MRPS27: variants seen among roughly 807,000 people sequenced by gnomAD.
The protein encoded by MRPS27 is small ribosomal subunit protein mS27.
MRPS27 carries 43 observed loss-of-function variants against 48.9 expected under a neutral mutation model. The ratio of observed to expected loss-of-function variants is 0.88; its 90% CI spans 0.69 to 1.13. The LOEUF is 1.13. Among genes scored for constraint, MRPS27 ranks in the 50% most tolerant of loss-of-function variants. The probability of loss-of-function intolerance (pLI) is 0.00; values close to 1 mark genes in which losing one functional copy is unlikely to be tolerated. For missense variants in MRPS27, 467 were observed against 476.3 expected, an observed-to-expected ratio of 0.98 and a Z score of 0.18; for synonymous variants, 188 against 171.9, an observed-to-expected ratio of 1.09 and a Z score of -0.73.
intron 4 of MRPS27, among the ~76,000 whole-genome samples, chr5:72,288,212 T>G (rs1475422629): frequency 7.0e-6 from 1 of 143,660 alleles, no homozygotes; most frequent in Non-Finnish European, 1.5e-5. Flanking sequence ...CAAGAATTCT[T>G]TTTTTTTTTT....
chr5:72,239,074 T>C (rs1015164426), intron 4 of MRPS27, among the ~76,000 whole-genome samples: 1 of 152,130 alleles, frequency 6.6e-6, no homozygotes, highest in African/African-American at 2.4e-5. Flanking sequence ...TCCTGAATCA[T>C]TCAGGAAGCA....
chr5:72,223,708 A>G lies in MRPS27; in HGVS notation c.980T>C (p.Leu327Pro), dbSNP rs779270735. ...CTTAAATCGTTCCAGGTATTGAGGA[A>G]GCTTGGACTGCTCTGTTTCCTCGAT... is the stretch of plus-strand genomic sequence containing the variant. ...LDIEETEQSK[L>P]PQYLERFKAL... Residue 327 changes from leucine (L) to proline (P), a missense_variant, in exon 10 of 11, where the codon CTT becomes CCT. Physicochemically the swap from Leu to Pro is moderately conservative, Grantham distance 98 (BLOSUM62 -3). Transcript: ENST00000261413. 2 of 1,614,002 alleles carry G rather than the reference A, an allele frequency of 1.2e-6. No homozygotes were observed. The highest frequency in any genetic ancestry group is 1.7e-5 in the Admixed American group (1 of 60,016).
intron 4 of MRPS27, among the ~76,000 whole-genome samples, chr5:72,288,277 G>A (rs1337825248): frequency 2.0e-5 from 3 of 150,930 alleles, no homozygotes; most frequent in African/African-American, 7.3e-5. Context: ...GCATGATCTC[G>A]GCTCACTGCA....
At chr5:72,314,262 ATATTT>A in intron 1 of MRPS27, 104 bp from the exon 2 acceptor site, 2 of 761,166 alleles carry the variant, frequency 2.6e-6, no homozygotes, top group South Asian at 2.0e-5. Flanking sequence ...ACTAGATTAT[ATATTT>A]TAAATAATCT....
intron 8 of MRPS27, 92 bp from the exon 9 acceptor site, chr5:72,226,291 T>C: frequency 1.3e-6 from 2 of 1,485,236 alleles, no homozygotes; most frequent in Non-Finnish European, 1.9e-6. Context: ...AATGTTCACC[T>C]GGCAGCACTA....
chr5:72,223,563 G>C (rs1747810015), intron 10 of MRPS27, 120 bp downstream of exon 10: 2 of 1,225,404 alleles, frequency 1.6e-6, no homozygotes, highest in Admixed American at 2.3e-5. Context: ...TGTAATTTTT[G>C]ATGTCAGTTT....
At chr5:72,235,364 A>C (rs1014292490) in intron 5 of MRPS27, among the ~76,000 whole-genome samples, 2 of 152,152 alleles carry the variant, frequency 1.3e-5, no homozygotes, top group African/African-American at 2.4e-5. Flanking sequence ...ACAAACAAAC[A>C]AACAAGCAAA....
Position 72,300,434 on chromosome 5 carries a change from T to A in MRPS27, c.152-2732A>T, listed in dbSNP as rs77497844. ...GCTCCACATGTACATACCTACCCTG[T>A]CTTCTCCCTTTAACTCCAGACTTGC... On this transcript the variant is annotated intron_variant, in intron 2 of 10. Transcript: ENST00000261413. 3.8e-3 allele frequency among the ~76,000 whole-genome samples: 572 copies of A among 152,342 alleles called. 1 individual carries two copies. The highest frequency in any genetic ancestry group is 0.013 in the African/African-American group (548 of 41,582).
intron 4 of MRPS27, among the ~76,000 whole-genome samples, chr5:72,281,220 T>A (rs939663064): frequency 6.6e-6 from 1 of 152,240 alleles, no homozygotes; most frequent in Non-Finnish European, 1.5e-5. Flanking sequence ...TAAATTTTAT[T>A]GAGCACTGAC....
intron 7 of MRPS27, 23 bp from the exon 8 acceptor site, chr5:72,228,391 A>G (rs376817260): frequency 1.3e-5 from 20 of 1,539,534 alleles, no homozygotes; most frequent in Non-Finnish European, 1.8e-5. Flanking sequence ...ATACTGGATC[A>G]TGATCCATCT....
intron 7 of MRPS27, among the ~76,000 whole-genome samples, chr5:72,232,058 G>A (rs976970383): frequency 1.3e-5 from 2 of 152,154 alleles, no homozygotes; most frequent in African/African-American, 2.4e-5. Context: ...CTGCCCTAGA[G>A]AAACCTTAGG....
chr5:72,261,470 G>A (rs1239533636), intron 4 of MRPS27, among the ~76,000 whole-genome samples: 3 of 151,016 alleles, frequency 2.0e-5, no homozygotes, highest in Non-Finnish European at 2.9e-5. Flanking sequence ...GGCTGATCTC[G>A]AGGAAACTGA....
intron 2 of MRPS27, among the ~76,000 whole-genome samples, chr5:72,306,868 G>T (rs1234546671): frequency 6.6e-6 from 1 of 152,172 alleles, no homozygotes; most frequent in African/African-American, 2.4e-5. Flanking sequence ...AAACAACACT[G>T]GTAGGGAATT....
At chr5:72,241,417 G>T in intron 4 of MRPS27, 1 of 533,702 alleles carries the variant, frequency 1.9e-6, no homozygotes, top group Non-Finnish European at 3.3e-6. Context: ...GGAAGCAAAT[G>T]AACTCCTTTC....
chr5:72,308,328 G>C (rs1006077764), intron 2 of MRPS27, among the ~76,000 whole-genome samples: 2 of 152,236 alleles, frequency 1.3e-5, no homozygotes, highest in Non-Finnish European at 2.9e-5. Context: ...GGCACATGAA[G>C]CCCACACCCA....
In MRPS27 at chr5:72,298,863, T is replaced by C. The variant is rs1379941630; in HGVS notation, c.152-1161A>G. 2.6e-5 allele frequency among the ~76,000 whole-genome samples: 4 copies of C among 151,466 alleles called. No homozygotes were observed. In the East Asian group the frequency reaches 7.7e-4, roughly 29 times the overall value. On this transcript the variant is annotated intron_variant, in intron 2 of 10. Coordinates refer to ENST00000261413, the MANE Select transcript of MRPS27 (RefSeq NM_015084.3). ...AGCACTACTCACCATAGCAAAGACATGGAATCAACCTAACAATGGTGAATT... is the reference window on the plus strand; with the variant it reads ...AGCACTACTCACCATAGCAAAGACACGGAATCAACCTAACAATGGTGAATT...
chr5:72,230,165 G>C (rs1748014922), intron 7 of MRPS27, among the ~76,000 whole-genome samples: 1 of 152,196 alleles, frequency 6.6e-6, no homozygotes. Context: ...AAAGTACTAA[G>C]ATTACAGGCA....
At chr5:72,308,805 T>TG (rs1319600136) in intron 2 of MRPS27, among the ~76,000 whole-genome samples, 3 of 152,270 alleles carry the variant, frequency 2.0e-5, no homozygotes, top group Non-Finnish European at 4.4e-5. Context: ...AAGCTTTCTT[T>TG]GTTCCAAGCA....
rs774351524 is a variant in MRPS27 at position 72,314,162 on chromosome 5, A to G, written c.74-4T>C. On this transcript the variant is annotated splice_polypyrimidine_tract_variant and splice_region_variant and intron_variant, in intron 1 of 10. Coordinates refer to ENST00000261413, the MANE Select transcript of MRPS27 (RefSeq NM_015084.3). ...GAAGAAAGCAGGTATCTTTTACCTG[A>G]GAAAATAGGCAATTATTTCAACACA... 7 of 1,608,104 alleles carry G rather than the reference A, an allele frequency of 4.4e-6. No homozygotes were observed. The highest frequency in any genetic ancestry group is 6.0e-6 in the Non-Finnish European group (7 of 1,175,552).
Sources: gnomAD v4.1 joint callset for allele counts (sites outside exome capture counted in the v4.1 genomes callset) on GRCh38, gnomAD v4.1.1 for gene constraint, MANE v1.5 for transcripts, NCBI Gene and HGNC (gene_info 2026-07-23, HGNC 2026-07-21) for gene names.